The following TECTA variants were observed in gnomAD, a reference collection of about 807,000 sequenced individuals.
TECTA encodes alpha-tectorin.
A neutral mutation model predicts 216.8 loss-of-function variants in TECTA; 128 were observed. That is an observed-to-expected ratio of 0.59 (90% CI 0.51 to 0.68). The LOEUF is 0.68. TECTA is among the 30% of genes least tolerant of loss of function. TECTA has a pLI of 0.00. For synonymous variants in TECTA, 1,089 were observed against 1,117.1 expected (o/e 0.97, Z 0.50); for missense variants, 2,551 against 2,786.2 (o/e 0.92, Z 1.90).
chr11:121,168,606 C>T (rs980244468), intron 19 of TECTA, 71 bp from the exon 20 acceptor site: 2 of 1,612,342 alleles, frequency 1.2e-6, no homozygotes, highest in Admixed American at 1.7e-5. Flanking sequence ...CATTCTCAGC[C>T]TGAAAAATGG....
At chr11:121,154,745 C>T (rs1462290877) in intron 13 of TECTA, among the ~76,000 whole-genome samples, 2 of 152,344 alleles carry the variant, frequency 1.3e-5, no homozygotes, top group African/African-American at 4.8e-5. Flanking sequence ...ACTAATGATA[C>T]CAACACAGTA....
chr11:121,153,893 A>G (rs1429629119), intron 13 of TECTA, among the ~76,000 whole-genome samples: 1 of 152,230 alleles, frequency 6.6e-6, no homozygotes, highest in African/African-American at 2.4e-5. Context: ...TTTAAATGAT[A>G]TCAAAACCAT....
chr11:121,119,437 C>T (rs1278786874), intron 7 of TECTA, among the ~76,000 whole-genome samples: 1 of 152,084 alleles, frequency 6.6e-6, no homozygotes, highest in Non-Finnish European at 1.5e-5. Context: ...GCAAATGATT[C>T]CTGTCACTGT....
chr11:121,146,193 C>G (rs559961467), intron 12 of TECTA, 77 bp downstream of exon 12: 3 of 1,556,826 alleles, frequency 1.9e-6, no homozygotes, highest in African/African-American at 2.7e-5. Flanking sequence ...CTTCCAACTC[C>G]CTAGAAGTCA....
chr11:121,156,648 ATTATTATTATTT>A (rs1333659624), intron 13 of TECTA, among the ~76,000 whole-genome samples: 3 of 146,462 alleles, frequency 2.0e-5, no homozygotes, highest in South Asian at 2.2e-4. Flanking sequence ...CTGGCCTATT[ATTATTATTATTT>A]TTATTATTAT....
chr11:121,165,311 C>T lies in TECTA; in HGVS notation c.5311C>T (p.Pro1771Ser), dbSNP rs1203560814. 6.2e-7 allele frequency: 1 copy of T among 1,608,594 alleles called. No homozygotes were observed. Residue 1771 changes from proline to serine, a missense_variant, in exon 17 of 24, where the codon CCC (proline) becomes TCC (serine). Physicochemically the swap from Pro to Ser is moderately conservative, Grantham distance 74 (BLOSUM62 -1). Transcript: ENST00000392793. ...VEDPCVGADC[P>S]NRTCELGNGR... ...AGATCCCTGTGTGGGGGCGGACTGT[C>T]CCAACCGAACTTGCGAGCTGGGCAA...
intron 10 of TECTA, among the ~76,000 whole-genome samples, chr11:121,135,336 A>G (rs1243748484): frequency 6.6e-6 from 1 of 152,202 alleles, no homozygotes; most frequent in African/African-American, 2.4e-5. Flanking sequence ...GGGAAGTTCT[A>G]TTACTCCACG....
intron 10 of TECTA, among the ~76,000 whole-genome samples, chr11:121,135,940 C>A (rs183458231): frequency 6.7e-6 from 1 of 149,140 alleles, no homozygotes; most frequent in African/African-American, 2.5e-5. Flanking sequence ...GTGAGTATCC[C>A]GTGGTATTAT....
At chr11:121,136,440 G>A (rs1166570957) in intron 10 of TECTA, among the ~76,000 whole-genome samples, 1 of 152,048 alleles carries the variant, frequency 6.6e-6, no homozygotes, top group African/African-American at 2.4e-5. Context: ...AGGTGGACGA[G>A]GCCAGAGGGC....
At chr11:121,110,864 T>C (rs1444719031) in intron 4 of TECTA, 2 of 152,198 alleles carry the variant, frequency 1.3e-5, no homozygotes, top group African/African-American at 4.8e-5. Context: ...ACTCTTTCTG[T>C]GAGGATGAAT....
intron 6 of TECTA, 114 bp from the exon 7 acceptor site, chr11:121,118,192 A>G: frequency 7.3e-7 from 1 of 1,378,450 alleles, no homozygotes; most frequent in Non-Finnish European, 1.0e-6. Context: ...ATACCTCCCT[A>G]ACAGGGTTCT....
rs758861859 is a variant in TECTA at position 121,156,651 on chromosome 11, ATTATTATTT to A, written c.4306-1181_4306-1173del. Among the ~76,000 whole-genome samples the A allele has an allele frequency of 6.9e-4, 102 of 148,376 alleles. No individual in the cohort carries two copies. In the East Asian group the frequency reaches 8.3e-3, roughly 12 times the overall value. On this transcript the variant is annotated intron_variant, in intron 13 of 23. Coordinates refer to ENST00000392793, the MANE Select transcript of TECTA (RefSeq NM_005422.4). ...GAGTCACTGCACCTGGCCTATTATT[ATTATTATTT>A]TTATTATTATTTGAAGTAGAGATGA...
chr11:121,109,210 G>A lies in TECTA; in HGVS notation c.199-1G>A. ...GTGCAAAACCTCTCTTATTTTCGTA[G>A]GTCAATAACAACGGAGTTGTTTCCT... On this transcript the variant is annotated splice_acceptor_variant, in intron 3 of 23. Transcript: ENST00000392793. LOFTEE classifies it high-confidence loss of function. The A allele has an allele frequency of 1.2e-6, 2 of 1,614,094 alleles. 1 individual carries two copies. Among genetic ancestry groups the A allele is most frequent in the South Asian group, 2.2e-5 (2 of 91,072 alleles).
At chr11:121,119,744 T>C (rs1323398171) in intron 7 of TECTA, among the ~76,000 whole-genome samples, 2 of 152,214 alleles carry the variant, frequency 1.3e-5, no homozygotes, top group Non-Finnish European at 2.9e-5. Flanking sequence ...ATGTAGCATG[T>C]CCAACAAAAG....
chr11:121,125,613 C>T lies in TECTA; in HGVS notation c.1515C>T (p.Asp505=). 1 of 1,613,528 alleles carries T rather than the reference C, an allele frequency of 6.2e-7. No individual in the cohort carries two copies. The highest frequency in any genetic ancestry group is 8.5e-7 in the Non-Finnish European group (1 of 1,179,576). The stretch of plus-strand genomic sequence containing the variant: ...GGAAGTGCGACTCCGGCTGCGTCGA[C>T]AACTGCACCCAGTGCGACGCTGCCA... ...ADWKCDSGCV[D]NCTQCDAATE... The change falls in exon 8 of 24, where the codon GAC becomes GAT. Residue 505 remains aspartate (D), a synonymous_variant. Coordinates refer to ENST00000392793, the MANE Select transcript of TECTA (RefSeq NM_005422.4).
chr11:121,125,507 A>T lies in TECTA; in HGVS notation c.1409A>T (p.Asp470Val). Residue 470 changes from aspartate (D) to valine (V), a missense_variant, in exon 8 of 24, where the codon GAT becomes GTT. Coordinates refer to ENST00000392793, the MANE Select transcript of TECTA (RefSeq NM_005422.4). ...GGAAACTATAATAAAAACCCACTGG[A>T]TGACTTCCTCCGCCCGGATGGCAGG... ...LCGNYNKNPL[D>V]DFLRPDGRPA... 1 of 1,614,172 alleles carries T rather than the reference A, an allele frequency of 6.2e-7. No homozygotes were observed. Among genetic ancestry groups the T allele is most frequent in the Non-Finnish European group, 8.5e-7 (1 of 1,180,044 alleles).
chr11:121,169,256 T>A lies in TECTA; in HGVS notation c.5999+331T>A, dbSNP rs1022809169. Among the ~76,000 whole-genome samples, 4 of 152,326 alleles carry A rather than the reference T, an allele frequency of 2.6e-5. No individual in the cohort carries two copies. In the South Asian group the frequency reaches 8.3e-4, roughly 32 times the overall value. On this transcript the variant is annotated intron_variant, in intron 20 of 23. Coordinates refer to ENST00000392793, the MANE Select transcript of TECTA (RefSeq NM_005422.4). ...ACTTCAAATTGGGAAGAATGTGGAA[T>A]TCTGCAAATGAAAGAATGTAATGAC...
chr11:121,157,680 G>A (rs1257254371), intron 13 of TECTA, among the ~76,000 whole-genome samples, 161 bp from the exon 14 acceptor site: 4 of 152,206 alleles, frequency 2.6e-5, no homozygotes, highest in Admixed American at 2.0e-4. Context: ...AACTGATGGA[G>A]CATTTGAGTT....
At chr11:121,154,729 G>A (rs1240674268) in intron 13 of TECTA, among the ~76,000 whole-genome samples, 3 of 152,212 alleles carry the variant, frequency 2.0e-5, no homozygotes, top group African/African-American at 7.2e-5. Flanking sequence ...CTGTGAATGA[G>A]ATGTGACTAA....
Sources: allele counts gnomAD v4.1 joint callset (sites outside exome capture counted in the v4.1 genomes callset), GRCh38; gene constraint gnomAD v4.1.1; transcripts MANE v1.5; gene names NCBI Gene and HGNC (gene_info 2026-07-23, HGNC 2026-07-21).